Variants in ADGRB2 observed in about 807,000 individuals in gnomAD.
The protein encoded by ADGRB2 is adhesion G protein-coupled receptor B2.
In ADGRB2, 47 loss-of-function variants were observed where a neutral mutation model predicts 178.7. That is an observed-to-expected ratio of 0.26 (90% CI 0.21 to 0.34). The LOEUF (loss-of-function observed/expected upper bound fraction) is 0.34, where lower values mean the gene tolerates loss of function less well. Ranked by LOEUF, ADGRB2 falls within the 10% of genes least tolerant of loss-of-function variation. ADGRB2 has a pLI of 1.00. For synonymous variants in ADGRB2, 870 were observed against 912.4 expected (o/e 0.95, Z 0.84); for missense variants, 1,584 against 2,180.8 (o/e 0.73, Z 5.45).
Position 31,735,405 on chromosome 1 carries a change from G to T in ADGRB2, c.3354-124C>A, listed in dbSNP as rs1157170086. The T allele has an allele frequency of 4.1e-6, 5 of 1,206,974 alleles. No homozygotes were observed. Among genetic ancestry groups the T allele is most frequent in the Non-Finnish European group, 5.9e-6 (5 of 843,794 alleles). 74.8% of individuals were successfully genotyped at this position (1,206,974 alleles called of 1,614,324 possible). A position where few individuals can be genotyped will look rare whatever the true frequency, so the allele number is the denominator to read the frequency against. On this transcript the variant is annotated intron_variant, in intron 24 of 32. Transcript: ENST00000373658. This position sits in a 1 kb window ranked among gnomAD's most constrained non-coding sequence, Gnocchi z 6.0. ...ACGAGAGAGAGAGAGCTGGGTTAGG[G>T]TGGGTGAGGGGCTGCGGCTGAGCAC...
intron 4 of ADGRB2, among the ~76,000 whole-genome samples, chr1:31,752,106 T>C (rs1646604227): frequency 6.6e-6 from 1 of 152,302 alleles, no homozygotes; most frequent in African/African-American, 2.4e-5. Flanking sequence ...GTCTGTGGCC[T>C]TGACCACCAC....
intron 1 of ADGRB2, among the ~76,000 whole-genome samples, chr1:31,762,832 G>A (rs1414440446): frequency 1.3e-5 from 2 of 152,186 alleles, no homozygotes; most frequent in African/African-American, 4.8e-5. Flanking sequence ...GGCGCCAGAG[G>A]ACGCCCAGGA....
chr1:31,756,570 C>T lies in ADGRB2; in HGVS notation c.267G>A (p.Val89=), dbSNP rs1330388021. 54 of 1,611,856 alleles carry T rather than the reference C, an allele frequency of 3.4e-5. No homozygotes were observed. Among genetic ancestry groups the T allele is most frequent in the Non-Finnish European group, 4.6e-5 (54 of 1,178,764 alleles). The change falls in exon 4 of 33, where the codon GTG becomes GTA. Residue 89 remains valine, a synonymous_variant. Transcript: ENST00000373658. The surrounding 1 kb of genome is among the most constrained non-coding windows in gnomAD (Gnocchi z 8.5). ...GCAGGCGGGGGGCAAAGTGTGCGCA[C>T]ACCTGCTCCTGGCGGTTGAAGCGCA... is the stretch of plus-strand genomic sequence containing the variant. ...LYLRFNRQEQ[V]CAHFAPRLLP...
rs574608573 is a variant in ADGRB2, at chr1:31,727,597, G to C, written c.4581C>G (p.Pro1527=). Residue 1527 remains proline (P), a synonymous_variant, in exon 33 of 33, where the codon CCC becomes CCG. Coordinates refer to ENST00000373658, the MANE Select transcript of ADGRB2 (RefSeq NM_001364857.2). The surrounding 1 kb of genome is among the most constrained non-coding windows in gnomAD (Gnocchi z 4.4). The part of the protein sequence containing the change: ...AAERSVCTDK[P]SPGERPSLSQ... ...ACAAGCTGGGGCGCTCCCCAGGGCT[G>C]GGCTTATCCTGTGGAGGGAGCGGGA... is the stretch of plus-strand genomic sequence containing the variant. 2 of 1,534,512 alleles carry C rather than the reference G, an allele frequency of 1.3e-6. No homozygotes were observed. Among genetic ancestry groups the C allele is most frequent in the South Asian group, 1.3e-5 (1 of 77,136 alleles).
rs1181909476 is a variant in ADGRB2, at chr1:31,734,170, G to A, written c.3452+1013C>T. Among the ~76,000 whole-genome samples, 3 of 152,090 alleles carry A rather than the reference G, an allele frequency of 2.0e-5. 1 individual carries two copies. The highest frequency in any genetic ancestry group is 2.0e-4 in the Admixed American group (3 of 15,272). On this transcript the variant is annotated intron_variant, in intron 25 of 32. Transcript: ENST00000373658. ...GGAGGTGTAGCCAAGACTAAGAGAG[G>A]GTCTAATCACAGTAATAAGAGCTAC... is the stretch of plus-strand genomic sequence containing the variant.
In ADGRB2 at chr1:31,763,908, G is replaced by C. The variant is rs1259287239; in HGVS notation, c.-215C>G. 6.1e-6 allele frequency: 6 copies of C among 985,660 alleles called. No homozygotes were observed. The highest frequency in any genetic ancestry group is 7.2e-6 in the Non-Finnish European group (6 of 830,132). 61.1% of individuals were successfully genotyped at this position (985,660 alleles called of 1,614,324 possible). A position where few individuals can be genotyped will look rare whatever the true frequency, so the allele number is the denominator to read the frequency against. ...CCTGGGCGCCGTCAGCAGCAGGAGC[G>C]GGGGCCGGCGCTGGCGGGGGCGGCC... is the stretch of plus-strand genomic sequence containing the variant. On this transcript the variant is annotated 5_prime_UTR_variant, in exon 1 of 33. Transcript: ENST00000373658.
At chr1:31,757,655 T>C (rs1646905501) in intron 1 of ADGRB2, 144 bp from the exon 2 acceptor site, 2 of 218,080 alleles carry the variant, frequency 9.2e-6, no homozygotes. Context: ...CCCTCTTACT[T>C]CCCTCTTCCC....
chr1:31,735,132 C>A lies in ADGRB2; in HGVS notation c.3452+51G>T. On this transcript the variant is annotated intron_variant, in intron 25 of 32. Coordinates refer to ENST00000373658, the MANE Select transcript of ADGRB2 (RefSeq NM_001364857.2). This position sits in a 1 kb window ranked among gnomAD's most constrained non-coding sequence, Gnocchi z 6.0. ...CCCCCACCATGGGCACTGCCCCCCCCAATTCCTTTGCCCCACCCACCCCCA... is the reference window on the plus strand; with the variant it reads ...CCCCCACCATGGGCACTGCCCCCCCAAATTCCTTTGCCCCACCCACCCCCA... The A allele has an allele frequency of 8.3e-7, 1 of 1,204,606 alleles. No individual in the cohort carries two copies. Among genetic ancestry groups the A allele is most frequent in the Non-Finnish European group, 1.1e-6 (1 of 893,752 alleles). 74.6% of individuals were successfully genotyped at this position (1,204,606 alleles called of 1,614,324 possible).
Position 31,728,812 on chromosome 1 carries a change from A to ACACACACACACACACACACC in ADGRB2, c.4381-180_4381-179insGGTGTGTGTGTGTGTGTGTG. On this transcript the variant is annotated intron_variant, in intron 29 of 32. Coordinates refer to ENST00000373658, the MANE Select transcript of ADGRB2 (RefSeq NM_001364857.2). The surrounding 1 kb of genome is among the most constrained non-coding windows in gnomAD (Gnocchi z 6.7). ...TTTTCAGGCCTCACTGAACACACAC[A>ACACACACACACACACACACC]CACACACACACACACACACACACAC... is the stretch of plus-strand genomic sequence containing the variant. Among the ~76,000 whole-genome samples the ACACACACACACACACACACC allele has an allele frequency of 7.5e-6, 1 of 133,510 alleles. No individual in the cohort carries two copies. Among genetic ancestry groups the ACACACACACACACACACACC allele is most frequent in the Admixed American group, 7.1e-5 (1 of 14,078 alleles). The allele number at this position is 133,510 out of a possible 152,430, so 87.6% of individuals were successfully genotyped here.
Position 31,740,623 on chromosome 1 carries a change from A to G in ADGRB2, c.1795-82T>C. On this transcript the variant is annotated intron_variant, in intron 11 of 32. Coordinates refer to ENST00000373658, the MANE Select transcript of ADGRB2 (RefSeq NM_001364857.2). The surrounding 1 kb of genome is among the most constrained non-coding windows in gnomAD (Gnocchi z 5.9). ...TGGCCCATCCCACTCCAGTCCACCC[A>G]CTGCTTGCATCCACGGGGAGAGAAA... 2 of 1,396,730 alleles carry G rather than the reference A, an allele frequency of 1.4e-6. No individual in the cohort carries two copies. Among genetic ancestry groups the G allele is most frequent in the Non-Finnish European group, 1.9e-6 (2 of 1,045,904 alleles). 86.5% of individuals were successfully genotyped at this position (1,396,730 alleles called of 1,614,324 possible).
At position 31,754,690 on chromosome 1, in the gene ADGRB2, T is replaced by C. The variant is rs745881924; in HGVS notation, c.838+1309A>G. On this transcript the variant is annotated intron_variant, in intron 4 of 32. Coordinates refer to ENST00000373658, the MANE Select transcript of ADGRB2 (RefSeq NM_001364857.2). The surrounding 1 kb of genome is among the most constrained non-coding windows in gnomAD (Gnocchi z 5.7). ...GATGGGCACGATGTCAGATGTCTCA[T>C]TGGAGAAGCCAAGAAGGCCCCCATC... Among the ~76,000 whole-genome samples the C allele has an allele frequency of 5.9e-5, 9 of 152,332 alleles. No homozygotes were observed. The highest frequency in any genetic ancestry group is 2.1e-4 in the South Asian group (1 of 4,828).
In ADGRB2 at chr1:31,728,773, C is replaced by A; in HGVS notation, c.4381-140G>T. 2.7e-6 allele frequency: 2 copies of A among 728,992 alleles called. No homozygotes were observed. The highest frequency in any genetic ancestry group is 4.6e-6 in the Non-Finnish European group (2 of 439,452). 45.2% of individuals were successfully genotyped at this position (728,992 alleles called of 1,614,324 possible). A position where few individuals can be genotyped will look rare whatever the true frequency, so the allele number is the denominator to read the frequency against. On this transcript the variant is annotated intron_variant, in intron 29 of 32. Transcript: ENST00000373658. This position sits in a 1 kb window ranked among gnomAD's most constrained non-coding sequence, Gnocchi z 6.7. Reference sequence around the variant, plus strand: ...CAACCCAGGCCCAGAAGTTGCGGACCTTCATGGGGCAGCTTTTCAGGCCTC... The same window carrying A: ...CAACCCAGGCCCAGAAGTTGCGGACATTCATGGGGCAGCTTTTCAGGCCTC...
At chr1:31,736,199 A>T in intron 22 of ADGRB2, 122 bp downstream of exon 22, 1 of 1,202,696 alleles carries the variant, frequency 8.3e-7, no homozygotes, top group Non-Finnish European at 1.2e-6. Flanking sequence ...GAAGCTCAGA[A>T]ATGGGGAGGA....
rs111540530 is a variant in ADGRB2, at chr1:31,744,619, G to A, written c.922+29C>T. 1.3e-3 allele frequency: 2,025 copies of A among 1,610,516 alleles called. 16 individuals carry two copies. In the African/African-American group the frequency reaches 0.019, roughly 15 times the overall value. On this transcript the variant is annotated intron_variant, in intron 5 of 32. Transcript: ENST00000373658. This position sits in a 1 kb window ranked among gnomAD's most constrained non-coding sequence, Gnocchi z 6.7. ...AGACGCACACAGTCGGGCCCCCGCC[G>A]CAGAGGAAGGGAGGCGGGCCCGAGT...
At position 31,763,864 on chromosome 1, in the gene ADGRB2, G is replaced by A; in HGVS notation, c.-191+20C>T. 1.0e-6 allele frequency: 1 copy of A among 985,122 alleles called. No homozygotes were observed. Among genetic ancestry groups the A allele is most frequent in the Non-Finnish European group, 1.2e-6 (1 of 829,878 alleles). The allele number at this position is 985,122 out of a possible 1,614,324, so 61.0% of individuals were successfully genotyped here. A position where few individuals can be genotyped will look rare whatever the true frequency, so the allele number is the denominator to read the frequency against. On this transcript the variant is annotated intron_variant, in intron 1 of 32. Coordinates refer to ENST00000373658, the MANE Select transcript of ADGRB2 (RefSeq NM_001364857.2). ...GGGCTCGGTGCGAGGCCAGGTCGGGGTCTGGGGCCGAGCACTCACCTGGGC... is the reference window on the plus strand; with the variant it reads ...GGGCTCGGTGCGAGGCCAGGTCGGGATCTGGGGCCGAGCACTCACCTGGGC...
Position 31,728,710 on chromosome 1 carries a change from C to T in ADGRB2, c.4381-77G>A. On this transcript the variant is annotated intron_variant, in intron 29 of 32. Transcript: ENST00000373658. The surrounding 1 kb of genome is among the most constrained non-coding windows in gnomAD (Gnocchi z 6.7). ...CGGCAGGGGCTTTAGAGACAGGAAG[C>T]CTGGCATCCCAGGGGTCTGCCCGCT... 1.9e-6 allele frequency: 3 copies of T among 1,563,288 alleles called. No individual in the cohort carries two copies. Among genetic ancestry groups the T allele is most frequent in the Non-Finnish European group, 2.6e-6 (3 of 1,137,302 alleles).
Position 31,728,431 on chromosome 1 carries a change from T to C in ADGRB2, c.4417-151A>G. On this transcript the variant is annotated intron_variant, in intron 30 of 32. Coordinates refer to ENST00000373658, the MANE Select transcript of ADGRB2 (RefSeq NM_001364857.2). The surrounding 1 kb of genome is among the most constrained non-coding windows in gnomAD (Gnocchi z 6.7). The stretch of plus-strand genomic sequence containing the variant: ...TAGTTCTCTCTTCACGTTGGTGCTA[T>C]GGGCTTGGGCAGGGAGGGAATCATG... 4 of 1,341,398 alleles carry C rather than the reference T, an allele frequency of 3.0e-6. No individual in the cohort carries two copies. The highest frequency in any genetic ancestry group is 1.2e-5 in the South Asian group (1 of 83,052). The allele number at this position is 1,341,398 out of a possible 1,614,324, so 83.1% of individuals were successfully genotyped here.
intron 4 of ADGRB2, among the ~76,000 whole-genome samples, chr1:31,751,880 T>C (rs1646589435): frequency 6.6e-6 from 1 of 152,084 alleles, no homozygotes; most frequent in Non-Finnish European, 1.5e-5. Context: ...TACACTAAAT[T>C]ATGATGACCC....
Position 31,727,790 on chromosome 1 carries a change from G to C in ADGRB2, c.4573-185C>G. 2.3e-6 allele frequency: 2 copies of C among 855,002 alleles called. No homozygotes were observed. The highest frequency in any genetic ancestry group is 1.9e-5 in the South Asian group (1 of 52,884). 53.0% of individuals were successfully genotyped at this position (855,002 alleles called of 1,614,324 possible). On this transcript the variant is annotated intron_variant, in intron 32 of 32. Coordinates refer to ENST00000373658, the MANE Select transcript of ADGRB2 (RefSeq NM_001364857.2). The surrounding 1 kb of genome is among the most constrained non-coding windows in gnomAD (Gnocchi z 4.4). ...GTGGGGCTCCTGACCCCTGTTCTCA[G>C]TGGCCCCCAGGACATGTCTCCTGCT...
Sources: allele counts gnomAD v4.1 joint callset (sites outside exome capture counted in the v4.1 genomes callset), GRCh38; gene constraint gnomAD v4.1.1; non-coding constraint Gnocchi (gnomAD v3.1); transcripts MANE v1.5; gene names NCBI Gene and HGNC (gene_info 2026-07-23, HGNC 2026-07-21).